Variants in MGMT observed in about 807,000 individuals in gnomAD.
The protein encoded by MGMT is O-6-methylguanine-DNA methyltransferase.
A neutral mutation model predicts 15.9 loss-of-function variants in MGMT; 14 were observed. The ratio of observed to expected loss-of-function variants is 0.88; its 90% CI spans 0.58 to 1.37. MGMT has a LOEUF of 1.37. MGMT is among the 40% of genes most tolerant of loss of function. MGMT has a pLI of 0.00. For missense variants in MGMT, 282 were observed against 268.1 expected (o/e 1.05, Z -0.36); for synonymous variants, 130 against 118.2 (o/e 1.10, Z -0.65).
intron 1 of MGMT, among the ~76,000 whole-genome samples, chr10:129,522,231 A>C (rs1266288384): frequency 2.6e-5 from 4 of 152,144 alleles, no homozygotes; most frequent in African/African-American, 9.7e-5. Flanking sequence ...CATTTGTAGA[A>C]TGCACCAAGG....
intron 2 of MGMT, among the ~76,000 whole-genome samples, chr10:129,571,116 T>C (rs780276363): frequency 6.6e-6 from 1 of 152,220 alleles, no homozygotes; most frequent in African/African-American, 2.4e-5. Flanking sequence ...AAGTTTCTTC[T>C]TGGTTCCCTA....
chr10:129,579,978 C>T (rs1461007124), intron 2 of MGMT, among the ~76,000 whole-genome samples: 1 of 152,226 alleles, frequency 6.6e-6, no homozygotes, highest in African/African-American at 2.4e-5. Flanking sequence ...GGGAGGAACA[C>T]TCCTTAGGCC....
chr10:129,585,348 A>G (rs1253633734), intron 2 of MGMT, among the ~76,000 whole-genome samples: 1 of 152,224 alleles, frequency 6.6e-6, no homozygotes, highest in Non-Finnish European at 1.5e-5. Context: ...ATTGAGATGT[A>G]AATGACATAC....
chr10:129,677,498 AGCCATAGCAGGT>A (rs1218162220), intron 2 of MGMT, among the ~76,000 whole-genome samples: 1 of 152,182 alleles, frequency 6.6e-6, no homozygotes. Context: ...TCTAAAGGGA[AGCCATAGCAGGT>A]GCCTGGGTAA....
At chr10:129,517,543 G>C (rs1239710065) in intron 1 of MGMT, among the ~76,000 whole-genome samples, 1 of 152,208 alleles carries the variant, frequency 6.6e-6, no homozygotes, top group Non-Finnish European at 1.5e-5. Context: ...CTGCTTTACT[G>C]TTCACGGGAG....
intron 2 of MGMT, among the ~76,000 whole-genome samples, chr10:129,588,165 T>A (rs1846639394): frequency 6.6e-6 from 1 of 152,190 alleles, no homozygotes; most frequent in Non-Finnish European, 1.5e-5. Flanking sequence ...CTCAGTCCTA[T>A]CAGTGCAAGG....
chr10:129,669,807 T>C (rs964736025), intron 2 of MGMT, among the ~76,000 whole-genome samples: 6 of 152,240 alleles, frequency 3.9e-5, no homozygotes, highest in Non-Finnish European at 8.8e-5. Flanking sequence ...ATTCAGTTGT[T>C]ACTTTTCATC....
chr10:129,726,780 C>T (rs919618549), intron 3 of MGMT, among the ~76,000 whole-genome samples: 10 of 152,142 alleles, frequency 6.6e-5, no homozygotes, highest in Non-Finnish European at 1.5e-4. Context: ...TAATTAAAAG[C>T]ATCAGAATTA....
At chr10:129,723,849 C>A (rs1282442855) in intron 3 of MGMT, among the ~76,000 whole-genome samples, 1 of 152,182 alleles carries the variant, frequency 6.6e-6, no homozygotes. Context: ...CTGCATATAT[C>A]CCAGGGCAGC....
chr10:129,666,525 T>C lies in MGMT; in HGVS notation c.126-41370T>C, dbSNP rs536373030. 6.6e-5 allele frequency among the ~76,000 whole-genome samples: 10 copies of C among 152,320 alleles called. No homozygotes were observed. In the East Asian group the frequency reaches 1.3e-3, roughly 21 times the overall value. ...GCCATATATATTTTTTAATGTTTGT[T>C]TTATAAATGAGCTCTTTTCACCTCA... On this transcript the variant is annotated intron_variant, in intron 2 of 4. Coordinates refer to ENST00000651593, the MANE Select transcript of MGMT (RefSeq NM_002412.5).
chr10:129,676,313 TC>T (rs1168832383), intron 2 of MGMT, among the ~76,000 whole-genome samples: 1 of 152,148 alleles, frequency 6.6e-6, no homozygotes, highest in African/African-American at 2.4e-5. Context: ...TTGGCCAGGC[TC>T]GGTGTGGGCG....
At position 129,755,443 on chromosome 10, in the gene MGMT, C is replaced by T. The variant is rs142041656; in HGVS notation, c.275-3759C>T. On this transcript the variant is annotated intron_variant, in intron 3 of 4. Coordinates refer to ENST00000651593, the MANE Select transcript of MGMT (RefSeq NM_002412.5). ...ACAGCACAGCTACTGAGATGCTCTG[C>T]AAGCATGACCCGGCAGGTAGCACCT... Among the ~76,000 whole-genome samples, 134 of 152,350 alleles carry T rather than the reference C, an allele frequency of 8.8e-4. 1 individual carries two copies. Among genetic ancestry groups the T allele is most frequent in the African/African-American group, 3.2e-3 (132 of 41,578 alleles).
At position 129,589,804 on chromosome 10, in the gene MGMT, G is replaced by A. The variant is rs72838511; in HGVS notation, c.125+53427G>A. ...AAAGGGCTGCTTCCACCTCCAGGGC[G>A]GGCAGTGAAGCCTCCAGCTGGGAGC... On this transcript the variant is annotated intron_variant, in intron 2 of 4. Transcript: ENST00000651593. Among the ~76,000 whole-genome samples, 301 of 152,336 alleles carry A rather than the reference G, an allele frequency of 2.0e-3. 2 individuals carry two copies. The highest frequency in any genetic ancestry group is 2.5e-3 in the Non-Finnish European group (172 of 68,040).
intron 2 of MGMT, among the ~76,000 whole-genome samples, chr10:129,693,539 C>T (rs1045740903): frequency 1.3e-5 from 2 of 152,108 alleles, no homozygotes; most frequent in Non-Finnish European, 2.9e-5. Flanking sequence ...GTGGAGGCTT[C>T]TCTTGGTCAG....
intron 2 of MGMT, among the ~76,000 whole-genome samples, chr10:129,599,351 C>A (rs535496321): frequency 1.3e-5 from 2 of 152,348 alleles, no homozygotes; most frequent in South Asian, 4.1e-4. Context: ...TTAGGCTAAG[C>A]TTGATTCAAC....
intron 1 of MGMT, among the ~76,000 whole-genome samples, chr10:129,534,322 G>C (rs1845963022): frequency 6.6e-6 from 1 of 152,114 alleles, no homozygotes; most frequent in Non-Finnish European, 1.5e-5. Flanking sequence ...GATGTTGAAG[G>C]AGTGTGATGT....
intron 2 of MGMT, among the ~76,000 whole-genome samples, chr10:129,686,573 T>TGTCATGTTGGCCAGGG (rs3039559): frequency 2.0e-5 from 3 of 151,624 alleles, no homozygotes; most frequent in Non-Finnish European, 2.9e-5. Flanking sequence ...TGGGGTTTTC[T>TGTCATGTTGGCCAGGG]GCTGCTCTCA....
chr10:129,538,709 C>A (rs1455460142), intron 2 of MGMT, among the ~76,000 whole-genome samples: 1 of 152,040 alleles, frequency 6.6e-6, no homozygotes, highest in African/African-American at 2.4e-5. Context: ...AATCTCGGCT[C>A]ACTGCAACCT....
At chr10:129,715,396 A>G (rs1487138191) in intron 3 of MGMT, 2 of 152,246 alleles carry the variant, frequency 1.3e-5, no homozygotes, top group African/African-American at 2.4e-5. Flanking sequence ...AAATTGCATC[A>G]TTGCTTCCTT....
Sources: gnomAD v4.1 joint callset for allele counts (sites outside exome capture counted in the v4.1 genomes callset) on GRCh38, gnomAD v4.1.1 for gene constraint, MANE v1.5 for transcripts, NCBI Gene and HGNC (gene_info 2026-07-23, HGNC 2026-07-21) for gene names.